KIF1B: variants seen among roughly 807,000 people sequenced by gnomAD.
KIF1B encodes the protein kinesin family member 1B.
KIF1B carries 76 observed loss-of-function variants against 241.9 expected under a neutral mutation model. That is an observed-to-expected ratio of 0.31 (90% confidence interval 0.26 to 0.38). The LOEUF (loss-of-function observed/expected upper bound fraction) is 0.38. Among genes scored for constraint, KIF1B ranks in the 10% least tolerant of loss-of-function variants. KIF1B has a pLI of 1.00. For synonymous variants in KIF1B, 750 were observed against 796.7 expected (o/e 0.94, Z 0.99); for missense variants, 1,622 against 2,271.4 (o/e 0.71, Z 5.81).
chr1:10,313,299 T>C (rs1651146302), intron 22 of KIF1B, among the ~76,000 whole-genome samples: 1 of 151,370 alleles, frequency 6.6e-6, no homozygotes, highest in Admixed American at 6.6e-5. Context: ...ACTCCCGACC[T>C]CAGGTGATCC....
intron 36 of KIF1B, among the ~76,000 whole-genome samples, chr1:10,348,131 T>G (rs1652655110): frequency 6.6e-6 from 1 of 152,234 alleles, no homozygotes. Context: ...CATTTCGTGA[T>G]GTTTGGAAGC....
intron 2 of KIF1B, among the ~76,000 whole-genome samples, chr1:10,239,438 T>G (rs115962318): frequency 0.019 from 2,829 of 152,192 alleles, 40 homozygotes; most frequent in Non-Finnish European, 0.028. Context: ...TTTTTAATGT[T>G]ACTATTTTTC....
At chr1:10,288,603 G>A (rs1027331416) in intron 15 of KIF1B, among the ~76,000 whole-genome samples, 2 of 152,098 alleles carry the variant, frequency 1.3e-5, no homozygotes, top group Non-Finnish European at 2.9e-5. Context: ...ACTCTTTTCT[G>A]AAAAAGTACC....
At chr1:10,327,716 T>C (rs1651776658) in intron 27 of KIF1B, among the ~76,000 whole-genome samples, 1 of 152,130 alleles carries the variant, frequency 6.6e-6, no homozygotes, top group Non-Finnish European at 1.5e-5. Context: ...AGTTCAACAG[T>C]AGAGCATGCA....
At chr1:10,349,010 T>C (rs554732668) in intron 37 of KIF1B, among the ~76,000 whole-genome samples, 1 of 152,292 alleles carries the variant, frequency 6.6e-6, no homozygotes, top group African/African-American at 2.4e-5. Flanking sequence ...ACACAGACTA[T>C]GGAGATGCAG....
At chr1:10,290,640 C>T (rs968458988) in intron 15 of KIF1B, among the ~76,000 whole-genome samples, 6 of 151,836 alleles carry the variant, frequency 4.0e-5, no homozygotes, top group Non-Finnish European at 7.4e-5. Flanking sequence ...TGCCACCATG[C>T]CCACGTGGAT....
intron 14 of KIF1B, among the ~76,000 whole-genome samples, chr1:10,280,133 A>G (rs918091881): frequency 3.3e-5 from 5 of 152,112 alleles, no homozygotes; most frequent in African/African-American, 1.2e-4. Flanking sequence ...ATTATTTCTT[A>G]CCCTTTTAAG....
intron 22 of KIF1B, among the ~76,000 whole-genome samples, chr1:10,317,934 T>G: frequency 6.6e-6 from 1 of 151,418 alleles, no homozygotes; most frequent in East Asian, 1.9e-4. Context: ...TCTAGTACTG[T>G]GTGGGTAGGC....
chr1:10,272,928 G>A, intron 9 of KIF1B, 86 bp from the exon 10 acceptor site: 1 of 1,094,778 alleles, frequency 9.1e-7, no homozygotes. Context: ...CATAATCTAT[G>A]ACATGAAATT....
chr1:10,221,729 C>G (rs1646847678), intron 1 of KIF1B, among the ~76,000 whole-genome samples: 1 of 152,182 alleles, frequency 6.6e-6, no homozygotes, highest in Non-Finnish European at 1.5e-5. Flanking sequence ...ATAATTCACA[C>G]TTTAAAATGT....
intron 2 of KIF1B, among the ~76,000 whole-genome samples, chr1:10,235,862 C>CACAAAAAAAAAAAAAAA (rs1647043933): frequency 1.4e-5 from 1 of 70,380 alleles, no homozygotes; most frequent in Non-Finnish European, 2.7e-5. Flanking sequence ...AACACTGTCT[C>CACAAAAAAAAAAAAAAA]AAAAAAAAAA....
At chr1:10,273,628 A>G (rs1202559565) in intron 10 of KIF1B, among the ~76,000 whole-genome samples, 1 of 148,406 alleles carries the variant, frequency 6.7e-6, no homozygotes, top group Non-Finnish European at 1.5e-5. Context: ...GTAGAGTGGA[A>G]TGAGATGATG....
chr1:10,272,449 A>G (rs779495164), intron 9 of KIF1B, 143 bp downstream of exon 9: 2 of 704,546 alleles, frequency 2.8e-6, no homozygotes, highest in African/African-American at 1.8e-5. Context: ...TTTTCAGATA[A>G]GATACTAGGT....
chr1:10,321,603 A>T, intron 23 of KIF1B, 106 bp from the exon 24 acceptor site: 1 of 1,226,684 alleles, frequency 8.2e-7, no homozygotes, highest in Non-Finnish European at 1.2e-6. Context: ...GAATGGAGAG[A>T]AACTGGAAAA....
chr1:10,234,786 T>C lies in KIF1B; in HGVS notation c.106+2352T>C, dbSNP rs554099790. Among the ~76,000 whole-genome samples, 3 of 152,208 alleles carry C rather than the reference T, an allele frequency of 2.0e-5. No homozygotes were observed. In the South Asian group the frequency reaches 6.2e-4, roughly 32 times the overall value. On this transcript the variant is annotated intron_variant, in intron 2 of 48. Transcript: ENST00000676179. ...TGATCCTTGCCTTGGCCTCCCAAAGTGTTGGGATTGCAGGTATGAGCCACT... is the reference window on the plus strand; with the variant it reads ...TGATCCTTGCCTTGGCCTCCCAAAGCGTTGGGATTGCAGGTATGAGCCACT...
chr1:10,334,553 C>T lies in KIF1B; in HGVS notation c.2958C>T (p.Pro986=), dbSNP rs369616673. ...TTTACCTGAGCAATCTGCTGTATCC[C>T]GTGCCCCTGATCCACAGGGTGGCCA... is the stretch of plus-strand genomic sequence containing the variant. The part of the protein sequence containing the change: ...AFVYLSNLLY[P]VPLIHRVAIV... The change falls in exon 28 of 49, where the codon CCC becomes CCT. Residue 986 remains proline (P), a synonymous_variant. Transcript: ENST00000676179. The T allele has an allele frequency of 2.7e-5, 43 of 1,613,928 alleles. No homozygotes were observed. Among genetic ancestry groups the T allele is most frequent in the Middle Eastern group, 1.6e-4 (1 of 6,062 alleles).
At chr1:10,231,322 T>TAC (rs547244153) in intron 1 of KIF1B, among the ~76,000 whole-genome samples, 12 of 150,720 alleles carry the variant, frequency 8.0e-5, no homozygotes, top group Non-Finnish European at 1.5e-4. Flanking sequence ...ACAATATATA[T>TAC]ACATCATGTA....
chr1:10,245,166 A>G (rs1647192828), intron 2 of KIF1B, among the ~76,000 whole-genome samples: 1 of 152,136 alleles, frequency 6.6e-6, no homozygotes, highest in Non-Finnish European at 1.5e-5. Flanking sequence ...TTAAATACTA[A>G]TCTTGTTTTG....
intron 5 of KIF1B, 46 bp from the exon 6 acceptor site, chr1:10,267,334 T>C: frequency 6.3e-7 from 1 of 1,581,268 alleles, no homozygotes; most frequent in Non-Finnish European, 8.7e-7. Flanking sequence ...GGCTTCTGTA[T>C]GTGATTTCTT....
Sources: gnomAD v4.1 joint callset for allele counts (sites outside exome capture counted in the v4.1 genomes callset) on GRCh38, gnomAD v4.1.1 for gene constraint, MANE v1.5 for transcripts, NCBI Gene and HGNC (gene_info 2026-07-23, HGNC 2026-07-21) for gene names.